The following EPHA6 variants were observed in gnomAD, a reference collection of about 807,000 sequenced individuals.
The protein encoded by EPHA6 is ephrin type-A receptor 6.
EPHA6 carries 50 observed loss-of-function variants against 112.0 expected under a neutral mutation model. The observed-to-expected ratio is 0.45, with a 90% CI of 0.36 to 0.56. The LOEUF (loss-of-function observed/expected upper bound fraction) is 0.56, where lower values mean the gene tolerates loss of function less well. Ranked by LOEUF, EPHA6 falls within the 20% of genes least tolerant of loss-of-function variation. The pLI, the probability that EPHA6 is intolerant of heterozygous loss-of-function variation, is 0.00. For missense variants in EPHA6, 1,280 were observed against 1,417.4 expected (o/e 0.90, Z 1.56); for synonymous variants, 529 against 490.7 (o/e 1.08, Z -1.03).
intron 3 of EPHA6, among the ~76,000 whole-genome samples, chr3:97,162,047 A>T (rs2076427759): frequency 6.6e-6 from 1 of 152,194 alleles, no homozygotes; most frequent in African/African-American, 2.4e-5. Flanking sequence ...CAGGTACAAG[A>T]TGAAACCACA....
intron 16 of EPHA6, among the ~76,000 whole-genome samples, chr3:97,740,082 C>T (rs2035435011): frequency 6.6e-6 from 1 of 151,998 alleles, no homozygotes; most frequent in Non-Finnish European, 1.5e-5. Context: ...TAGCTGCTCC[C>T]AACCCCAAGT....
intron 5 of EPHA6, among the ~76,000 whole-genome samples, chr3:97,364,237 G>C (rs1393143800): frequency 1.3e-5 from 2 of 151,976 alleles, no homozygotes; most frequent in African/African-American, 4.8e-5. Context: ...CGAGGACACA[G>C]AGAAAGCCAG....
At chr3:97,023,306 C>T (rs1247577054) in intron 3 of EPHA6, among the ~76,000 whole-genome samples, 3 of 152,132 alleles carry the variant, frequency 2.0e-5, no homozygotes, top group Admixed American at 2.0e-4. Flanking sequence ...GTCTCGATCT[C>T]CTGACCTCAT....
At chr3:97,643,898 G>A (rs1038609078) in intron 14 of EPHA6, among the ~76,000 whole-genome samples, 1 of 150,424 alleles carries the variant, frequency 6.6e-6, no homozygotes, top group Non-Finnish European at 1.5e-5. Context: ...AAGTCAACAA[G>A]GATACCCAGG....
Position 97,564,401 on chromosome 3 carries a change from A to G in EPHA6, c.2387-28211A>G, listed in dbSNP as rs1420967300. 2.6e-5 allele frequency among the ~76,000 whole-genome samples: 4 copies of G among 152,170 alleles called. No homozygotes were observed. In the East Asian group the frequency reaches 5.8e-4, roughly 22 times the overall value. On this transcript the variant is annotated intron_variant, in intron 11 of 17. Transcript: ENST00000389672. ...TTATAATAGTCATAATAATTCTGTTATGTAAAACTTGTAAACAGAAAATAT... is the reference window on the plus strand; with the variant it reads ...TTATAATAGTCATAATAATTCTGTTGTGTAAAACTTGTAAACAGAAAATAT...
At chr3:97,093,457 T>C (rs943131175) in intron 3 of EPHA6, among the ~76,000 whole-genome samples, 11 of 151,704 alleles carry the variant, frequency 7.3e-5, no homozygotes, top group African/African-American at 2.7e-4. Flanking sequence ...GGCTGAGGCA[T>C]GAGAATTGCT....
chr3:97,383,598 T>C (rs140488091), intron 5 of EPHA6, among the ~76,000 whole-genome samples: 373 of 152,196 alleles, frequency 2.5e-3, no homozygotes, highest in African/African-American at 8.5e-3. Flanking sequence ...TTTGAATAAA[T>C]GTTTAAACTT....
At chr3:97,512,723 C>G (rs2092386762) in intron 10 of EPHA6, among the ~76,000 whole-genome samples, 1 of 152,114 alleles carries the variant, frequency 6.6e-6, no homozygotes, top group Non-Finnish European at 1.5e-5. Flanking sequence ...CACCACCACA[C>G]CCGGCTAATT....
At chr3:96,988,088 A>C in intron 3 of EPHA6, 95 bp downstream of exon 3, 1 of 953,624 alleles carries the variant, frequency 1.0e-6, no homozygotes, top group Middle Eastern at 3.1e-4. Context: ...GTGCATATTC[A>C]TGGGTGTGTA....
chr3:96,898,885 G>C (rs930072552), intron 2 of EPHA6, among the ~76,000 whole-genome samples: 6 of 151,622 alleles, frequency 4.0e-5, no homozygotes, highest in Non-Finnish European at 8.8e-5. Flanking sequence ...AAAATTAGCC[G>C]GGCATGGTGG....
At chr3:97,465,014 C>CT (rs1177216051) in intron 7 of EPHA6, among the ~76,000 whole-genome samples, 4 of 152,204 alleles carry the variant, frequency 2.6e-5, no homozygotes, top group African/African-American at 9.6e-5. Context: ...AGATGCTTAT[C>CT]TTTCTACCTG....
intron 13 of EPHA6, among the ~76,000 whole-genome samples, chr3:97,635,618 G>T (rs2093938426): frequency 6.6e-6 from 1 of 152,052 alleles, no homozygotes; most frequent in African/African-American, 2.4e-5. Flanking sequence ...CTAGAAAGTA[G>T]ACTACTGGTT....
chr3:97,455,869 T>C (rs2090666485), intron 7 of EPHA6, among the ~76,000 whole-genome samples: 1 of 151,936 alleles, frequency 6.6e-6, no homozygotes, highest in Non-Finnish European at 1.5e-5. Context: ...AAAAAAGATA[T>C]TTTATTTCAA....
chr3:97,420,943 TA>T (rs2107183628), intron 6 of EPHA6, among the ~76,000 whole-genome samples: 1 of 152,122 alleles, frequency 6.6e-6, no homozygotes, highest in South Asian at 2.1e-4. Context: ...ATTCAGCAGA[TA>T]AAAGGAAAAG....
At chr3:96,893,029 A>G (rs2038064530) in intron 2 of EPHA6, among the ~76,000 whole-genome samples, 1 of 151,874 alleles carries the variant, frequency 6.6e-6, no homozygotes, top group Non-Finnish European at 1.5e-5. Context: ...ACAAAACCAC[A>G]TACATGTGAT....
chr3:97,475,504 C>T, intron 8 of EPHA6, 44 bp downstream of exon 8: 1 of 1,351,936 alleles, frequency 7.4e-7, no homozygotes, highest in South Asian at 1.2e-5. Flanking sequence ...TATGAATAAC[C>T]ACTCTTTTTA....
At chr3:97,407,125 T>C (rs1333669111) in intron 6 of EPHA6, among the ~76,000 whole-genome samples, 1 of 152,080 alleles carries the variant, frequency 6.6e-6, no homozygotes, top group East Asian at 1.9e-4. Flanking sequence ...GGATAAATCA[T>C]ACAGATGTAA....
intron 2 of EPHA6, among the ~76,000 whole-genome samples, chr3:96,904,317 T>A (rs542769790): frequency 8.2e-4 from 125 of 151,976 alleles, no homozygotes; most frequent in Admixed American, 2.5e-3. Flanking sequence ...GGGACATGGA[T>A]GAAGCTGGAA....
intron 14 of EPHA6, among the ~76,000 whole-genome samples, chr3:97,680,995 G>T (rs1384363573): frequency 6.6e-6 from 1 of 151,684 alleles, no homozygotes; most frequent in Non-Finnish European, 1.5e-5. Context: ...GTTAACAAAA[G>T]GCAAATAAGT....
Sources: allele counts gnomAD v4.1 joint callset (sites outside exome capture counted in the v4.1 genomes callset), GRCh38; gene constraint gnomAD v4.1.1; transcripts MANE v1.5; gene names NCBI Gene and HGNC (gene_info 2026-07-23, HGNC 2026-07-21).